FMOD: variants seen among roughly 807,000 people sequenced by gnomAD.
FMOD encodes KSPG fibromodulin.
Under a neutral mutation model 27.0 loss-of-function variants are expected in FMOD, and 15 were observed. That is an observed-to-expected ratio of 0.55 (90% confidence interval 0.37 to 0.85). The LOEUF is 0.85. FMOD is among the 40% of genes least tolerant of loss of function. The pLI is 0.00. For missense variants in FMOD, 460 were observed against 483.2 expected (o/e 0.95, Z 0.45); for synonymous variants, 210 against 214.0 (o/e 0.98, Z 0.16).
intron 2 of FMOD, among the ~76,000 whole-genome samples, chr1:203,344,793 G>A (rs955979217): frequency 6.6e-6 from 1 of 152,172 alleles, no homozygotes; most frequent in African/African-American, 2.4e-5. Context: ...GCTGAGCTTG[G>A]GGAGCTGTTT....
At chr1:203,349,019 G>A (rs534244255) in intron 1 of FMOD, among the ~76,000 whole-genome samples, 3 of 152,358 alleles carry the variant, frequency 2.0e-5, no homozygotes, top group Admixed American at 6.5e-5. Flanking sequence ...TCTTCATGCA[G>A]CAGTTACAAA....
rs531651719 is a variant in FMOD, at chr1:203,351,020, C to A, written c.-8+13G>T. On this transcript the variant is annotated intron_variant, in intron 1 of 2. Coordinates refer to ENST00000354955, the MANE Select transcript of FMOD (RefSeq NM_002023.5). ...TGCTAGGGACAAACCCGAAGTAAAA[C>A]GACTATACTTACCTCAAGTTGAACT... 1 of 152,306 alleles carries A rather than the reference C, an allele frequency of 6.6e-6. No homozygotes were observed. The highest frequency in any genetic ancestry group is 1.9e-4 in the East Asian group (1 of 5,184). The allele number at this position is 152,306 out of a possible 1,614,324, so 9.4% of individuals were successfully genotyped here.
intron 1 of FMOD, among the ~76,000 whole-genome samples, chr1:203,349,225 G>A (rs1175908098): frequency 2.6e-5 from 4 of 152,206 alleles, no homozygotes. Flanking sequence ...GACACCAAAA[G>A]AATAGCTAGA....
intron 2 of FMOD, among the ~76,000 whole-genome samples, chr1:203,346,977 C>T (rs1046155705): frequency 6.6e-6 from 1 of 152,174 alleles, no homozygotes; most frequent in African/African-American, 2.4e-5. Flanking sequence ...TGTGGCAAGC[C>T]TCTGTCCCAG....
intron 1 of FMOD, among the ~76,000 whole-genome samples, 178 bp from the exon 2 acceptor site, chr1:203,348,455 A>C (rs1161579255): frequency 1.3e-5 from 2 of 152,204 alleles, no homozygotes; most frequent in African/African-American, 4.8e-5. Flanking sequence ...CTGGTTCTGC[A>C]CTTGGTCCAG....
rs1658813133 is a variant in FMOD at position 203,342,502 on chromosome 1, G to T, written c.980-8C>A. On this transcript the variant is annotated splice_region_variant and splice_polypyrimidine_tract_variant and intron_variant, in intron 2 of 2. Coordinates refer to ENST00000354955, the MANE Select transcript of FMOD (RefSeq NM_002023.5). ...AGCTGCTGATGGAGAACTCTGTGGG[G>T]ACAAGAGGAGCACGGGTCAGGGAGA... The T allele has an allele frequency of 6.2e-7, 1 of 1,612,260 alleles. No homozygotes were observed. Among genetic ancestry groups the T allele is most frequent in the East Asian group, 2.2e-5 (1 of 44,796 alleles).
chr1:203,347,015 C>A (rs1226053181), intron 2 of FMOD, among the ~76,000 whole-genome samples: 1 of 152,174 alleles, frequency 6.6e-6, no homozygotes, highest in Non-Finnish European at 1.5e-5. Context: ...TACCCCCAAC[C>A]CATGCCCACT....
rs1021135843 is a variant in FMOD, at chr1:203,342,180, C to T, written c.*163G>A. The T allele has an allele frequency of 3.2e-5, 25 of 773,518 alleles. No individual in the cohort carries two copies. In the Admixed American group the frequency reaches 5.4e-4, roughly 17 times the overall value. 47.9% of individuals were successfully genotyped at this position (773,518 alleles called of 1,614,324 possible). ...TGTCCTCAGCAGAAGGCTGCCTGTC[C>T]CTGATCGCCCCCCCTAACCCCACCT... On this transcript the variant is annotated 3_prime_UTR_variant, in exon 3 of 3. Transcript: ENST00000354955.
chr1:203,340,984 T>TC lies in FMOD; in HGVS notation c.*1358dup, dbSNP rs1658786179. On this transcript the variant is annotated 3_prime_UTR_variant, in exon 3 of 3. Coordinates refer to ENST00000354955, the MANE Select transcript of FMOD (RefSeq NM_002023.5). ...GCCCCTGACTGCCCAGATGGCTTTG[T>TC]CCCAACCTTGCCCAAAGGGCAGGTG... The TC allele has an allele frequency of 6.6e-6, 1 of 152,300 alleles. No individual in the cohort carries two copies. Among genetic ancestry groups the TC allele is most frequent in the Admixed American group, 6.5e-5 (1 of 15,290 alleles). 9.4% of individuals were successfully genotyped at this position (152,300 alleles called of 1,614,324 possible).
At chr1:203,347,236 G>A (rs1344060749) in intron 2 of FMOD, 56 bp downstream of exon 2, 33 of 1,540,534 alleles carry the variant, frequency 2.1e-5, no homozygotes, top group African/African-American at 1.4e-4. Context: ...ACTCAGAATA[G>A]TGTCTTTCAA....
chr1:203,343,653 A>C (rs576693645), intron 2 of FMOD, among the ~76,000 whole-genome samples: 2 of 152,340 alleles, frequency 1.3e-5, no homozygotes, highest in East Asian at 3.9e-4. Context: ...AGAGGCATCC[A>C]TCGGCTTGCA....
At chr1:203,345,059 G>A (rs969725385) in intron 2 of FMOD, among the ~76,000 whole-genome samples, 2 of 152,132 alleles carry the variant, frequency 1.3e-5, no homozygotes, top group South Asian at 2.1e-4. Flanking sequence ...CCTAGACAAA[G>A]CACTTTACAT....
At chr1:203,343,128 G>A (rs1036080940) in intron 2 of FMOD, among the ~76,000 whole-genome samples, 4 of 152,202 alleles carry the variant, frequency 2.6e-5, no homozygotes, top group Admixed American at 2.6e-4. Flanking sequence ...GAGCACTGGG[G>A]CTGCTAGGGA....
chr1:203,347,121 G>A (rs1397900237), intron 2 of FMOD, among the ~76,000 whole-genome samples, 171 bp downstream of exon 2: 3 of 152,172 alleles, frequency 2.0e-5, no homozygotes, highest in African/African-American at 4.8e-5. Context: ...CTGCTATTTA[G>A]TATAAGTGTA....
chr1:203,348,608 G>C (rs1658938766), intron 1 of FMOD, among the ~76,000 whole-genome samples: 1 of 152,076 alleles, frequency 6.6e-6, no homozygotes, highest in African/African-American at 2.4e-5. Context: ...TGAAAGTCCT[G>C]TGGGAAAGCT....
chr1:203,341,917 C>G lies in FMOD; in HGVS notation c.*426G>C, dbSNP rs541072232. 1 of 157,272 alleles carries G rather than the reference C, an allele frequency of 6.4e-6. No individual in the cohort carries two copies. Among genetic ancestry groups the G allele is most frequent in the Admixed American group, 6.5e-5 (1 of 15,438 alleles). 9.7% of individuals were successfully genotyped at this position (157,272 alleles called of 1,614,324 possible). A position where few individuals can be genotyped will look rare whatever the true frequency, so the allele number is the denominator to read the frequency against. Reference sequence around the variant, plus strand: ...TTTTGAGAAGCAACAAATGGGAGCCCAGAGTAACTGCACGACCAGCCCAGC... The same window carrying G: ...TTTTGAGAAGCAACAAATGGGAGCCGAGAGTAACTGCACGACCAGCCCAGC... On this transcript the variant is annotated 3_prime_UTR_variant, in exon 3 of 3. Transcript: ENST00000354955.
intron 2 of FMOD, among the ~76,000 whole-genome samples, chr1:203,343,691 G>A (rs545682142): frequency 2.6e-5 from 4 of 152,174 alleles, no homozygotes; most frequent in Non-Finnish European, 5.9e-5. Flanking sequence ...CGTCAGTCTG[G>A]GGCCAGGCAC....
rs59821503 is a variant in FMOD, at chr1:203,345,350, A to G, written c.979+1942T>C. On this transcript the variant is annotated intron_variant, in intron 2 of 2. Coordinates refer to ENST00000354955, the MANE Select transcript of FMOD (RefSeq NM_002023.5). ...CTGCATGAAGGCAGAACGATGATAA[A>G]AGGTTGTGATGAAGCCTTTTCCATC... Among the ~76,000 whole-genome samples, 1,497 of 152,268 alleles carry G rather than the reference A, an allele frequency of 9.8e-3. 28 individuals are homozygous for G. Among genetic ancestry groups the G allele is most frequent in the African/African-American group, 0.035 (1,435 of 41,542 alleles).
intron 2 of FMOD, among the ~76,000 whole-genome samples, chr1:203,343,751 C>T (rs530649565): frequency 6.6e-6 from 1 of 152,282 alleles, no homozygotes; most frequent in South Asian, 2.1e-4. Context: ...TAGGTGTGAC[C>T]ATGAGGGCTC....
Sources: gnomAD v4.1 joint callset for allele counts (sites outside exome capture counted in the v4.1 genomes callset) on GRCh38, gnomAD v4.1.1 for gene constraint, MANE v1.5 for transcripts, NCBI Gene and HGNC (gene_info 2026-07-23, HGNC 2026-07-21) for gene names.